Variants in EIF2D observed in about 807,000 individuals in gnomAD.
EIF2D encodes the protein hepatocellular carcinoma-associated antigen 56.
Under a neutral mutation model 77.4 loss-of-function variants are expected in EIF2D, and 56 were observed. The ratio of observed to expected loss-of-function variants is 0.72; its 90% CI spans 0.58 to 0.90. EIF2D has a LOEUF of 0.90. EIF2D is among the 40% of genes least tolerant of loss of function. The pLI, the probability that EIF2D is intolerant of heterozygous loss-of-function variation, is 0.00. For synonymous variants in EIF2D, 230 were observed against 271.0 expected, an observed-to-expected ratio of 0.85 and a Z score of 1.49; for missense variants, 574 against 706.5, an observed-to-expected ratio of 0.81 and a Z score of 2.13.
chr1:206,582,893 G>T (rs1295862269), intron 2 of EIF2D, among the ~76,000 whole-genome samples: 1 of 152,186 alleles, frequency 6.6e-6, no homozygotes, highest in African/African-American at 2.4e-5. Flanking sequence ...CATCAAAGAA[G>T]CATCTTTTCC....
intron 2 of EIF2D, among the ~76,000 whole-genome samples, chr1:206,581,701 G>A (rs1282946305): frequency 1.3e-5 from 2 of 152,038 alleles, no homozygotes; most frequent in African/African-American, 4.8e-5. Flanking sequence ...TGTCAGCTGT[G>A]CTGAGGGGTT....
chr1:206,589,848 A>C (rs1391782617), downstream of EIF2D, among the ~76,000 whole-genome samples: 2 of 152,208 alleles, frequency 1.3e-5, no homozygotes, highest in African/African-American at 4.8e-5. Flanking sequence ...ATCACATAGA[A>C]TGCAATACAT....
intron 4 of EIF2D, among the ~76,000 whole-genome samples, chr1:206,606,557 G>A (rs1670210047): frequency 6.6e-6 from 1 of 152,034 alleles, no homozygotes; most frequent in African/African-American, 2.4e-5. Flanking sequence ...ATAGAATACT[G>A]GGGGAGAAAA....
chr1:206,597,514 G>T (rs1669707748), intron 11 of EIF2D, among the ~76,000 whole-genome samples: 1 of 152,210 alleles, frequency 6.6e-6, no homozygotes, highest in Non-Finnish European at 1.5e-5. Context: ...AGGAAGTGGG[G>T]ATCTTTAAAA....
intron 1 of EIF2D, 30 bp downstream of exon 1, chr1:206,612,257 G>C (rs781916194): frequency 6.2e-7 from 1 of 1,614,076 alleles, no homozygotes; most frequent in Non-Finnish European, 8.5e-7. Context: ...TGGTTGTTCC[G>C]TGGCAGAGCA....
chr1:206,609,534 A>G, intron 2 of EIF2D, 75 bp from the exon 3 acceptor site: 2 of 1,211,202 alleles, frequency 1.7e-6, no homozygotes, highest in South Asian at 1.3e-5. Context: ...ACCTAACACT[A>G]TGGTCACTTT....
intron 2 of EIF2D, 130 bp from the exon 3 acceptor site, chr1:206,609,589 G>A: frequency 2.9e-6 from 2 of 679,280 alleles, no homozygotes. Flanking sequence ...TAAAGAGAAG[G>A]TTGTAAGGGG....
chr1:206,606,776 AT>A (rs1670221760), intron 4 of EIF2D, among the ~76,000 whole-genome samples: 1 of 152,168 alleles, frequency 6.6e-6, no homozygotes, highest in African/African-American at 2.4e-5. Context: ...CACCTTGGTC[AT>A]CTCCATGAAA....
chr1:206,612,216 G>T (rs1670531792), intron 1 of EIF2D, 71 bp downstream of exon 1: 1 of 1,597,950 alleles, frequency 6.3e-7, no homozygotes, highest in Non-Finnish European at 8.6e-7. Context: ...GAATAGCGAG[G>T]GCTATGGGCC....
intron 2 of EIF2D, among the ~76,000 whole-genome samples, chr1:206,582,485 A>G (rs541800225): frequency 6.6e-6 from 1 of 152,152 alleles, no homozygotes; most frequent in Non-Finnish European, 1.5e-5. Context: ...GTAATAAACT[A>G]TCTTACAGAC....
chr1:206,584,318 C>G lies in EIF2D; in HGVS notation c.139-3156G>C. On this transcript the variant is annotated intron_variant and NMD_transcript_variant, in intron 2 of 5. Transcript: ENST00000472709. The surrounding 1 kb of genome is among the most constrained non-coding windows in gnomAD (Gnocchi z 4.9). The stretch of plus-strand genomic sequence containing the variant: ...CAGGTGGGTGCTGCTGGGGCAATGG[C>G]CCCGAGTGGCAGATATGATCATGCA... 2.7e-6 allele frequency: 4 copies of G among 1,477,736 alleles called. No individual in the cohort carries two copies. In the South Asian group the frequency reaches 3.9e-5, roughly 14 times the overall value. The allele number at this position is 1,477,736 out of a possible 1,614,324, so 91.5% of individuals were successfully genotyped here.
chr1:206,600,367 G>C, intron 7 of EIF2D, 59 bp from the exon 8 acceptor site: 2 of 1,515,608 alleles, frequency 1.3e-6, no homozygotes, highest in South Asian at 2.3e-5. Flanking sequence ...GGACCTGCCT[G>C]ACACTGAGAG....
In EIF2D at chr1:206,599,682, C is replaced by T. The variant is rs1553410873; in HGVS notation, c.1052+51G>A. The T allele has an allele frequency of 1.6e-5, 26 of 1,613,126 alleles. No homozygotes were observed. The highest frequency in any genetic ancestry group is 2.2e-5 in the Non-Finnish European group (26 of 1,179,464). ...ATCTCAGCAATCCCCAGTCCGTGGC[C>T]CAGGTGCCCTGGGGCCAGCTGGGCT... On this transcript the variant is annotated intron_variant, in intron 9 of 14. Coordinates refer to ENST00000271764, the MANE Select transcript of EIF2D (RefSeq NM_006893.3). This position sits in a 1 kb window ranked among gnomAD's most constrained non-coding sequence, Gnocchi z 4.1.
In EIF2D at chr1:206,602,768, T is replaced by G. The variant is rs1469741511; in HGVS notation, c.784+183A>C. 8.9e-6 allele frequency: 8 copies of G among 894,106 alleles called. No homozygotes were observed. The East Asian group carries it at 2.1e-4, about 24-fold the overall frequency. The allele number at this position is 894,106 out of a possible 1,614,324, so 55.4% of individuals were successfully genotyped here. A position where few individuals can be genotyped will look rare whatever the true frequency, so the allele number is the denominator to read the frequency against. On this transcript the variant is annotated intron_variant, in intron 6 of 14. Coordinates refer to ENST00000271764, the MANE Select transcript of EIF2D (RefSeq NM_006893.3). ...AGATTAGCTCCCAGGAAGACGTGAC[T>G]TATGTGGAAAGGATTCAAAAACAAG...
At chr1:206,571,703 G>A (rs1001307830) in intron 5 of EIF2D, among the ~76,000 whole-genome samples, 1 of 152,178 alleles carries the variant, frequency 6.6e-6, no homozygotes, top group African/African-American at 2.4e-5. Context: ...AGGGGCAGGA[G>A]GCCAATTCTG....
Position 206,584,450 on chromosome 1 carries a change from G to A in EIF2D, c.139-3288C>T. The A allele has an allele frequency of 6.2e-7, 1 of 1,614,164 alleles. No homozygotes were observed. On this transcript the variant is annotated intron_variant and NMD_transcript_variant, in intron 2 of 5. Transcript: ENST00000472709. This position sits in a 1 kb window ranked among gnomAD's most constrained non-coding sequence, Gnocchi z 4.9. Reference sequence around the variant, plus strand: ...TCTGAAACTCCGGCGGCCTGTGACGGTGCCTGCTGGGATCCGGCCCCAGTC... The same window carrying A: ...TCTGAAACTCCGGCGGCCTGTGACGATGCCTGCTGGGATCCGGCCCCAGTC...
chr1:206,591,975 C>T (rs554303817), intron 14 of EIF2D, 130 bp from the exon 15 acceptor site: 61 of 793,528 alleles, frequency 7.7e-5, no homozygotes, highest in South Asian at 1.9e-4. Context: ...TGACCACTTA[C>T]GCCTACACCT....
At chr1:206,588,891 C>G (rs1025155225), downstream of EIF2D, 1 of 152,632 alleles carries the variant, frequency 6.6e-6, no homozygotes, top group African/African-American at 2.4e-5. Flanking sequence ...CTGCTGCAAC[C>G]GCTGTGAATG....
Position 206,584,604 on chromosome 1 carries a change from A to G in EIF2D, c.139-3442T>C. 1.9e-6 allele frequency: 3 copies of G among 1,614,228 alleles called. 1 individual carries two copies. Among genetic ancestry groups the G allele is most frequent in the Non-Finnish European group, 2.5e-6 (3 of 1,180,040 alleles). On this transcript the variant is annotated intron_variant and NMD_transcript_variant, in intron 2 of 5. Coordinates refer to the EIF2D transcript ENST00000472709. This position sits in a 1 kb window ranked among gnomAD's most constrained non-coding sequence, Gnocchi z 4.9. ...ACCACCACCGTCAGTGAGGTCATCCAGGGGCTGCTCAAGAAGTTCATGGTT... is the reference window on the plus strand; with the variant it reads ...ACCACCACCGTCAGTGAGGTCATCCGGGGGCTGCTCAAGAAGTTCATGGTT...
Sources: allele counts gnomAD v4.1 joint callset (sites outside exome capture counted in the v4.1 genomes callset), GRCh38; gene constraint gnomAD v4.1.1; non-coding constraint Gnocchi (gnomAD v3.1); transcripts MANE v1.5; gene names NCBI Gene and HGNC (gene_info 2026-07-23, HGNC 2026-07-21).